TRHDE: variants seen among roughly 807,000 people sequenced by gnomAD.
TRHDE encodes thyrotropin-releasing hormone-degrading ectoenzyme.
In TRHDE, 72 loss-of-function variants were observed where a neutral mutation model predicts 125.7. The ratio of observed to expected loss-of-function variants is 0.57; its 90% CI spans 0.47 to 0.70. TRHDE has a LOEUF of 0.70. TRHDE is among the 30% of genes least tolerant of loss of function. TRHDE has a pLI of 0.00. For synonymous variants in TRHDE, 509 were observed against 509.1 expected, an observed-to-expected ratio of 1.00 and a Z score of 0.00; for missense variants, 1,110 against 1,327.1, an observed-to-expected ratio of 0.84 and a Z score of 2.54.
At chr12:72,641,723 G>A (rs879856471) in intron 15 of TRHDE, among the ~76,000 whole-genome samples, 1 of 152,038 alleles carries the variant, frequency 6.6e-6, no homozygotes, top group Non-Finnish European at 1.5e-5. Flanking sequence ...CAAAATCTTT[G>A]GAGACTGTCT....
At chr12:72,155,652 G>A (rs1876485995) in intron 2 of TRHDE, among the ~76,000 whole-genome samples, 1 of 152,184 alleles carries the variant, frequency 6.6e-6, no homozygotes, top group Non-Finnish European at 1.5e-5. Flanking sequence ...TTTGCTGGAA[G>A]TCCACTCCAG....
intron 2 of TRHDE, among the ~76,000 whole-genome samples, chr12:72,141,327 T>C (rs1876106779): frequency 6.6e-6 from 1 of 152,164 alleles, no homozygotes; most frequent in Admixed American, 6.5e-5. Flanking sequence ...TATCACATGA[T>C]AGCATTATTT....
chr12:72,153,426 G>T (rs1014403674), intron 2 of TRHDE, among the ~76,000 whole-genome samples: 27 of 151,894 alleles, frequency 1.8e-4, no homozygotes, highest in Admixed American at 6.6e-5. Flanking sequence ...GTTATTTCTT[G>T]CCTTCTGCTA....
chr12:72,282,684 G>A (rs555030938), intron 1 of TRHDE, among the ~76,000 whole-genome samples: 1 of 152,252 alleles, frequency 6.6e-6, no homozygotes, highest in East Asian at 1.9e-4. Context: ...CTTTATTGAA[G>A]GCTTGTTTCT....
At chr12:72,345,296 A>G (rs1304837024) in intron 2 of TRHDE, among the ~76,000 whole-genome samples, 2 of 152,138 alleles carry the variant, frequency 1.3e-5, no homozygotes. Flanking sequence ...GCCCTGACTT[A>G]CAGTATTTGC....
At chr12:72,214,607 T>G (rs957768483) in intron 2 of TRHDE, among the ~76,000 whole-genome samples, 8 of 152,166 alleles carry the variant, frequency 5.3e-5, no homozygotes, top group Admixed American at 4.6e-4. Flanking sequence ...GAATGGATCT[T>G]TACAAGATAT....
At chr12:72,574,781 T>C (rs1870911814) in intron 10 of TRHDE, among the ~76,000 whole-genome samples, 1 of 152,118 alleles carries the variant, frequency 6.6e-6, no homozygotes, top group Non-Finnish European at 1.5e-5. Flanking sequence ...TTATTAGTTC[T>C]CTCAAGAAAG....
At chr12:72,298,861 G>C (rs1000487274) in intron 2 of TRHDE, among the ~76,000 whole-genome samples, 1 of 152,030 alleles carries the variant, frequency 6.6e-6, no homozygotes, top group Non-Finnish European at 1.5e-5. Flanking sequence ...TTTCATTAAG[G>C]CTGCCATTTG....
At chr12:72,271,321 G>A (rs1879200716), upstream of TRHDE, among the ~76,000 whole-genome samples, 1 of 152,096 alleles carries the variant, frequency 6.6e-6, no homozygotes, top group South Asian at 2.1e-4. Flanking sequence ...AAATCCTCTG[G>A]CGAGCTTGAT....
intron 7 of TRHDE, among the ~76,000 whole-genome samples, chr12:72,544,780 G>GTGAATA (rs1555196183): frequency 1.3e-5 from 2 of 151,482 alleles, no homozygotes; most frequent in Non-Finnish European, 3.0e-5. Context: ...ATATGTGTGT[G>GTGAATA]TGTATATGTA....
chr12:72,271,486 A>G (rs1227573982), upstream of TRHDE, among the ~76,000 whole-genome samples: 1 of 152,054 alleles, frequency 6.6e-6, no homozygotes. Flanking sequence ...AAGATTTACA[A>G]TGTACTTCTT....
chr12:72,528,927 C>G lies in TRHDE; in HGVS notation c.1723-13364C>G, dbSNP rs532596417. Among the ~76,000 whole-genome samples the G allele has an allele frequency of 2.6e-5, 4 of 152,156 alleles. No homozygotes were observed. The South Asian group carries it at 6.2e-4, about 24-fold the overall frequency. On this transcript the variant is annotated intron_variant, in intron 6 of 18. Transcript: ENST00000261180. ...CCATTGCTTTGCTAATACCTTTATA[C>G]TTTAACGATGATTATAATATATTCA...
At chr12:72,594,462 C>T (rs1185730552) in intron 12 of TRHDE, among the ~76,000 whole-genome samples, 4 of 150,618 alleles carry the variant, frequency 2.7e-5, no homozygotes, top group African/African-American at 9.7e-5. Flanking sequence ...AGGTCATCCA[C>T]CCGCCTTGGC....
At chr12:72,447,977 C>T (rs1875382142) in intron 3 of TRHDE, among the ~76,000 whole-genome samples, 1 of 151,996 alleles carries the variant, frequency 6.6e-6, no homozygotes, top group South Asian at 2.1e-4. Context: ...GCTATATCCT[C>T]TGTAAAGAAA....
chr12:72,138,535 A>G (rs1876041284), intron 2 of TRHDE, among the ~76,000 whole-genome samples: 1 of 152,214 alleles, frequency 6.6e-6, no homozygotes, highest in South Asian at 2.1e-4. Context: ...CAAGGTGTGC[A>G]CCTGAAGTAG....
chr12:72,263,439 A>C (rs1467611207), intron 2 of TRHDE: 3 of 151,684 alleles, frequency 2.0e-5, no homozygotes, highest in Non-Finnish European at 4.4e-5. Flanking sequence ...TTTTGGTTCA[A>C]CTCTAAAAAC....
intron 2 of TRHDE, among the ~76,000 whole-genome samples, chr12:72,338,795 T>G (rs1360265622): frequency 6.6e-6 from 1 of 152,168 alleles, no homozygotes; most frequent in Non-Finnish European, 1.5e-5. Flanking sequence ...CTACAACATG[T>G]CTTTATAGAG....
chr12:72,331,370 G>A (rs11834123), intron 2 of TRHDE, among the ~76,000 whole-genome samples: 4,295 of 67,886 alleles, frequency 0.063, 858 homozygotes, highest in African/African-American at 0.16. Context: ...AATGGAAAAA[G>A]CTACTGAAGA....
intron 2 of TRHDE, among the ~76,000 whole-genome samples, chr12:72,336,853 G>C (rs1259786575): frequency 6.6e-6 from 1 of 152,096 alleles, no homozygotes; most frequent in East Asian, 1.9e-4. Flanking sequence ...ATAACCTAGT[G>C]ACCACTTATT....
Sources: gnomAD v4.1 joint callset for allele counts (sites outside exome capture counted in the v4.1 genomes callset) on GRCh38, gnomAD v4.1.1 for gene constraint, MANE v1.5 for transcripts, NCBI Gene and HGNC (gene_info 2026-07-23, HGNC 2026-07-21) for gene names.